FGF7: variants seen among roughly 807,000 people sequenced by gnomAD.
FGF7 encodes FGF-7.
Under a neutral mutation model 20.5 loss-of-function variants are expected in FGF7, and 6 were observed. That is an observed-to-expected ratio of 0.29 (90% CI 0.16 to 0.58). The LOEUF is 0.58. Ranked by LOEUF, FGF7 falls within the 20% of genes least tolerant of loss-of-function variation. The pLI is 0.90. For synonymous variants in FGF7, 64 were observed against 74.7 expected (o/e 0.86, Z 0.74); for missense variants, 144 against 228.8 (o/e 0.63, Z 2.39).
chr15:49,468,867 A>T lies in FGF7; in HGVS notation c.287-14284A>T, dbSNP rs79131261. Among the ~76,000 whole-genome samples, 1,310 of 152,248 alleles carry T rather than the reference A, an allele frequency of 8.6e-3. 32 individuals carry two copies. Among genetic ancestry groups the T allele is most frequent in the South Asian group, 0.067 (321 of 4,824 alleles). On this transcript the variant is annotated intron_variant, in intron 2 of 3. Transcript: ENST00000267843. ...AGCAGTCACTCTGCTTAACTGATGG[A>T]ACAAGTTTATTTCAACTTCAGTGCT...
chr15:49,472,820 T>C (rs573771151), intron 2 of FGF7, among the ~76,000 whole-genome samples: 1 of 152,280 alleles, frequency 6.6e-6, no homozygotes, highest in Admixed American at 6.5e-5. Flanking sequence ...TGATAAATAG[T>C]AGATGGAAAA....
At chr15:49,456,386 T>C (rs556946326) in intron 2 of FGF7, among the ~76,000 whole-genome samples, 3 of 152,232 alleles carry the variant, frequency 2.0e-5, no homozygotes, top group African/African-American at 7.2e-5. Context: ...AAGTCATTTC[T>C]GCCAATTAAA....
chr15:49,485,125 T>A lies in FGF7; in HGVS notation c.*621T>A, dbSNP rs2056298757. The A allele has an allele frequency of 6.6e-6, 1 of 152,256 alleles. No individual in the cohort carries two copies. The highest frequency in any genetic ancestry group is 1.5e-5 in the Non-Finnish European group (1 of 67,944). 9.4% of individuals were successfully genotyped at this position (152,256 alleles called of 1,614,324 possible). ...CAGGATTAGAACATGCTTATACCTATAAATAAGAACAAAATTTCTAATGCT... is the reference window on the plus strand; with the variant it reads ...CAGGATTAGAACATGCTTATACCTAAAAATAAGAACAAAATTTCTAATGCT... On this transcript the variant is annotated 3_prime_UTR_variant, in exon 4 of 4. Coordinates refer to ENST00000267843, the MANE Select transcript of FGF7 (RefSeq NM_002009.4).
chr15:49,443,801 G>A (rs933749700), intron 2 of FGF7, among the ~76,000 whole-genome samples: 1 of 151,664 alleles, frequency 6.6e-6, no homozygotes, highest in Non-Finnish European at 1.5e-5. Context: ...CAGAAATAGT[G>A]AAAGCATTTT....
rs1413780341 is a variant in FGF7 at position 49,458,577 on chromosome 15, T to C, written c.287-24574T>C. 2.0e-5 allele frequency among the ~76,000 whole-genome samples: 3 copies of C among 152,120 alleles called. No individual in the cohort carries two copies. The East Asian group carries it at 5.8e-4, about 29-fold the overall frequency. ...GAACAGGATGACTAAAAATTGCTTT[T>C]TACCATTGCCAAGCTCTTGTCTTTA... On this transcript the variant is annotated intron_variant, in intron 2 of 3. Coordinates refer to ENST00000267843, the MANE Select transcript of FGF7 (RefSeq NM_002009.4).
intron 1 of FGF7, among the ~76,000 whole-genome samples, 199 bp downstream of exon 1, chr15:49,423,639 G>C (rs1434051090): frequency 6.6e-6 from 1 of 152,000 alleles, no homozygotes; most frequent in African/African-American, 2.4e-5. Flanking sequence ...AAAAAACCTG[G>C]GCAGTTCAGG....
In FGF7 at chr15:49,483,195, A is replaced by T; in HGVS notation, c.331A>T (p.Lys111Ter). The T allele has an allele frequency of 6.3e-7, 1 of 1,592,294 alleles. No homozygotes were observed. The highest frequency in any genetic ancestry group is 8.5e-7 in the Non-Finnish European group (1 of 1,176,090). Reference sequence around the variant, plus strand: ...AGTGGCAGTTGGAATTGTGGCAATCAAAGGGGTGGAAAGTGAATTCTATCT... The same window carrying T: ...AGTGGCAGTTGGAATTGTGGCAATCTAAGGGGTGGAAAGTGAATTCTATCT... Reference protein sequence around the residue: ...RTVAVGIVAIKGVESEFYLAM... With the variant: ...RTVAVGIVAI The change falls in exon 3 of 4, where the codon AAA becomes TAA. Residue 111 changes from lysine (K) to a stop codon, truncating the protein, a stop_gained. Transcript: ENST00000267843. LOFTEE classifies it high-confidence loss of function.
chr15:49,482,839 C>CTAT (rs1218332510), intron 2 of FGF7, among the ~76,000 whole-genome samples: 3 of 151,742 alleles, frequency 2.0e-5, no homozygotes, highest in Non-Finnish European at 2.9e-5. Flanking sequence ...TAAACATTAG[C>CTAT]TATTATTATT....
intron 2 of FGF7, among the ~76,000 whole-genome samples, chr15:49,475,480 T>G (rs1178058345): frequency 6.6e-6 from 1 of 152,138 alleles, no homozygotes; most frequent in Admixed American, 6.5e-5. Context: ...CTGTGAAAAT[T>G]TCAAAGGCTT....
At chr15:49,467,404 T>C (rs572403449) in intron 2 of FGF7, among the ~76,000 whole-genome samples, 2 of 152,278 alleles carry the variant, frequency 1.3e-5, no homozygotes, top group South Asian at 4.1e-4. Context: ...TATAAATTTA[T>C]GCATAGGTGT....
At chr15:49,478,922 T>A (rs546269185) in intron 2 of FGF7, among the ~76,000 whole-genome samples, 71 of 152,268 alleles carry the variant, frequency 4.7e-4, no homozygotes, top group African/African-American at 1.7e-3. Context: ...AATACAAGAT[T>A]AGAGGGACAC....
chr15:49,470,374 C>A (rs1028502958), intron 2 of FGF7, among the ~76,000 whole-genome samples: 1 of 152,024 alleles, frequency 6.6e-6, no homozygotes, highest in South Asian at 2.1e-4. Context: ...TACCAATAAG[C>A]AATTCTGTTG....
At chr15:49,477,020 A>G (rs2055394478) in intron 2 of FGF7, among the ~76,000 whole-genome samples, 2 of 151,564 alleles carry the variant, frequency 1.3e-5, no homozygotes, top group East Asian at 3.9e-4. Flanking sequence ...AGATCCCGCC[A>G]CTGCACTCCA....
rs1240714454 is a variant in FGF7, at chr15:49,485,546, C to T, written c.*1042C>T. 1 of 152,340 alleles carries T rather than the reference C, an allele frequency of 6.6e-6. No homozygotes were observed. Among genetic ancestry groups the T allele is most frequent in the Non-Finnish European group, 1.5e-5 (1 of 67,946 alleles). 9.4% of individuals were successfully genotyped at this position (152,340 alleles called of 1,614,324 possible). ...TTAAAGGAATAACAAAACTGTCTGG[C>T]TCAACGGCAAGTTTCCCTCCCTTTT... On this transcript the variant is annotated 3_prime_UTR_variant, in exon 4 of 4. Coordinates refer to ENST00000267843, the MANE Select transcript of FGF7 (RefSeq NM_002009.4).
At chr15:49,461,806 A>T (rs1018772967) in intron 2 of FGF7, among the ~76,000 whole-genome samples, 12 of 152,214 alleles carry the variant, frequency 7.9e-5, no homozygotes, top group Non-Finnish European at 1.8e-4. Flanking sequence ...TTTAATTTCA[A>T]ATTAAACAAC....
intron 2 of FGF7, among the ~76,000 whole-genome samples, chr15:49,434,997 G>A (rs990246940): frequency 2.0e-5 from 3 of 151,306 alleles, no homozygotes; most frequent in Non-Finnish European, 4.4e-5. Flanking sequence ...ATGATAAACA[G>A]TATGTTGTGT....
Position 49,485,479 on chromosome 15 carries a change from A to G in FGF7, c.*975A>G, listed in dbSNP as rs1027351117. The stretch of plus-strand genomic sequence containing the variant: ...TTTAAGTTTATGTTATTTATAAAAA[A>G]AAAACCTTAATAAGCTGTATCTGTT... On this transcript the variant is annotated 3_prime_UTR_variant, in exon 4 of 4. Transcript: ENST00000267843. The G allele has an allele frequency of 9.8e-5, 15 of 152,446 alleles. No individual in the cohort carries two copies. Among genetic ancestry groups the G allele is most frequent in the Non-Finnish European group, 2.1e-4 (14 of 67,968 alleles). The allele number at this position is 152,446 out of a possible 1,614,324, so 9.4% of individuals were successfully genotyped here.
intron 2 of FGF7, among the ~76,000 whole-genome samples, chr15:49,429,106 A>G (rs2050371517): frequency 6.6e-6 from 1 of 152,026 alleles, no homozygotes; most frequent in Non-Finnish European, 1.5e-5. Flanking sequence ...CAAGTTATCT[A>G]AAAGAACAAT....
intron 2 of FGF7, among the ~76,000 whole-genome samples, chr15:49,476,230 TG>T (rs143285386): frequency 0.43 from 53,715 of 126,080 alleles, 12,870 homozygotes; most frequent in East Asian, 0.62. Context: ...TTTTTGTTTT[TG>T]GTTTTTTTTT....
Sources: gnomAD v4.1 joint callset for allele counts (sites outside exome capture counted in the v4.1 genomes callset) on GRCh38, gnomAD v4.1.1 for gene constraint, MANE v1.5 for transcripts, NCBI Gene and HGNC (gene_info 2026-07-23, HGNC 2026-07-21) for gene names.